Variants in NHEJ1 observed in about 807,000 individuals in gnomAD.
NHEJ1 encodes the protein non-homologous end joining factor 1.
In NHEJ1, 22 loss-of-function variants were observed where a neutral mutation model predicts 39.4. The observed-to-expected ratio is 0.56, with a 90% CI of 0.40 to 0.80. NHEJ1 has a LOEUF of 0.80. Among genes scored for constraint, NHEJ1 ranks in the 30% least tolerant of loss-of-function variants. The pLI is 0.00. For missense variants in NHEJ1, 329 were observed against 357.1 expected, an observed-to-expected ratio of 0.92 and a Z score of 0.63; for synonymous variants, 154 against 135.6, an observed-to-expected ratio of 1.14 and a Z score of -0.94.
chr2:219,106,627 C>A (rs1006413561), intron 5 of NHEJ1, among the ~76,000 whole-genome samples: 2 of 152,150 alleles, frequency 1.3e-5, no homozygotes, highest in African/African-American at 4.8e-5. Context: ...ATAAAGGAGG[C>A]CTACAACAGA....
chr2:219,131,066 TG>T (rs1479412193), intron 5 of NHEJ1, among the ~76,000 whole-genome samples: 2 of 152,092 alleles, frequency 1.3e-5, no homozygotes, highest in African/African-American at 4.8e-5. Context: ...CACTCCAGCT[TG>T]GGCAACAGAG....
At chr2:219,087,958 T>C (rs1207547694) in intron 5 of NHEJ1, among the ~76,000 whole-genome samples, 3 of 152,248 alleles carry the variant, frequency 2.0e-5, no homozygotes, top group African/African-American at 7.2e-5. Flanking sequence ...TTAGTCATAT[T>C]TAAATGACTG....
chr2:219,136,690 C>T (rs1382040075), intron 5 of NHEJ1, among the ~76,000 whole-genome samples: 3 of 152,166 alleles, frequency 2.0e-5, no homozygotes, highest in South Asian at 4.1e-4. Context: ...GCAACCTCTG[C>T]CTCCGAGATT....
chr2:219,087,745 C>T (rs1324419347), intron 5 of NHEJ1, among the ~76,000 whole-genome samples: 1 of 152,046 alleles, frequency 6.6e-6, no homozygotes. Context: ...GGACACAAAC[C>T]ATAAAGGAAA....
At chr2:219,137,945 G>A (rs1949651194) in intron 5 of NHEJ1, among the ~76,000 whole-genome samples, 1 of 152,074 alleles carries the variant, frequency 6.6e-6, no homozygotes, top group Non-Finnish European at 1.5e-5. Flanking sequence ...CATTCAGCCC[G>A]CATGCACCTG....
chr2:219,107,742 T>A (rs1174180668), intron 5 of NHEJ1, among the ~76,000 whole-genome samples: 1 of 151,936 alleles, frequency 6.6e-6, no homozygotes, highest in Non-Finnish European at 1.5e-5. Context: ...GGGCCTAATC[T>A]CCCTCTAAGG....
intron 3 of NHEJ1, among the ~76,000 whole-genome samples, chr2:219,148,293 C>A (rs1574742541): frequency 6.6e-6 from 1 of 152,200 alleles, no homozygotes; most frequent in East Asian, 1.9e-4. Flanking sequence ...ATGGCTCATG[C>A]CTGTAATCCC....
In NHEJ1 at chr2:219,127,244, C is replaced by T. The variant is rs1184961985; in HGVS notation, c.588+19436G>A. ...AAAAGAAAAGAACCAGAGGTTCAGA[C>T]GTGGCCTACTTCTTTTCTTTCCATG... On this transcript the variant is annotated intron_variant, in intron 5 of 7. Transcript: ENST00000356853. Among the ~76,000 whole-genome samples the T allele has an allele frequency of 3.9e-5, 6 of 152,130 alleles. No individual in the cohort carries two copies. The South Asian group carries it at 8.3e-4, about 21-fold the overall frequency.
intron 5 of NHEJ1, among the ~76,000 whole-genome samples, chr2:219,115,469 G>A (rs116351443): frequency 1.3e-5 from 2 of 152,228 alleles, no homozygotes; most frequent in African/African-American, 4.8e-5. Flanking sequence ...AGAGCCTGGG[G>A]GGCTGACTGA....
chr2:219,160,307 A>T (rs1320043494), intron 1 of NHEJ1, among the ~76,000 whole-genome samples: 1 of 152,044 alleles, frequency 6.6e-6, no homozygotes, highest in Non-Finnish European at 1.5e-5. Context: ...CCCCTGGGAC[A>T]GCGCGAACCC....
Position 219,157,472 on chromosome 2 carries a change from C to A in NHEJ1, c.390G>T (p.Leu130=), listed in dbSNP as rs1343904199. The part of the protein sequence containing the change: ...NFHCMLASPS[L]VSQHLIRPLM... ...AACCCCACATTCGAATTACACTTAC[C>A]AGGGAAGGACTAGCTAGCATGCAGT... Residue 130 remains leucine, a splice_region_variant and synonymous_variant, in exon 3 of 8, where the codon CTG becomes CTT. Transcript: ENST00000356853. The A allele has an allele frequency of 6.2e-7, 1 of 1,613,124 alleles. No individual in the cohort carries two copies. Among genetic ancestry groups the A allele is most frequent in the South Asian group, 1.1e-5 (1 of 91,052 alleles).
At chr2:219,145,391 C>T (rs1446780132) in intron 5 of NHEJ1, among the ~76,000 whole-genome samples, 1 of 152,170 alleles carries the variant, frequency 6.6e-6, no homozygotes, top group Non-Finnish European at 1.5e-5. Context: ...AGCATTGTAG[C>T]TCAGTCAATG....
chr2:219,099,593 T>C (rs191437037), intron 5 of NHEJ1, among the ~76,000 whole-genome samples: 9 of 152,276 alleles, frequency 5.9e-5, no homozygotes, highest in African/African-American at 2.2e-4. Context: ...TAGGTTCAGA[T>C]GCATCAGACT....
chr2:219,081,845 A>G (rs1474934983), intron 5 of NHEJ1, among the ~76,000 whole-genome samples: 4 of 152,234 alleles, frequency 2.6e-5, no homozygotes, highest in Non-Finnish European at 5.9e-5. Context: ...TAGACTTTGG[A>G]TGTGCTGGAA....
intron 5 of NHEJ1, chr2:219,124,758 A>G (rs1049989081): frequency 6.6e-6 from 1 of 151,938 alleles, no homozygotes. Context: ...AATCTCCCCA[A>G]AGAGAGAGAG....
At chr2:219,145,289 A>G (rs1009464723) in intron 5 of NHEJ1, among the ~76,000 whole-genome samples, 1 of 152,208 alleles carries the variant, frequency 6.6e-6, no homozygotes, top group African/African-American at 2.4e-5. Context: ...ACTTAGCAAT[A>G]CAAGTTTTCC....
chr2:219,090,948 T>C (rs1949154810), intron 5 of NHEJ1, among the ~76,000 whole-genome samples: 1 of 152,236 alleles, frequency 6.6e-6, no homozygotes. Flanking sequence ...CAAGTGATTA[T>C]ACTTTTTAGT....
chr2:219,096,737 C>T (rs1011611585), intron 5 of NHEJ1, among the ~76,000 whole-genome samples: 3 of 151,874 alleles, frequency 2.0e-5, no homozygotes, highest in Non-Finnish European at 4.4e-5. Flanking sequence ...AGGAGTGTGC[C>T]CAGGGTGTTA....
chr2:219,087,013 T>TC (rs932691403), intron 5 of NHEJ1, among the ~76,000 whole-genome samples: 1 of 151,976 alleles, frequency 6.6e-6, no homozygotes, highest in African/African-American at 2.4e-5. Flanking sequence ...GCAAGTGGTT[T>TC]CCTGGGGGGG....
Sources: allele counts gnomAD v4.1 joint callset (sites outside exome capture counted in the v4.1 genomes callset), GRCh38; gene constraint gnomAD v4.1.1; transcripts MANE v1.5; gene names NCBI Gene and HGNC (gene_info 2026-07-23, HGNC 2026-07-21).